Variants in DIAPH2 observed in about 807,000 individuals in gnomAD.
DIAPH2 encodes the protein protein diaphanous homolog 2.
A neutral mutation model predicts 92.7 loss-of-function variants in DIAPH2; 35 were observed. The observed-to-expected ratio is 0.38, with a 90% CI of 0.29 to 0.50. The LOEUF (loss-of-function observed/expected upper bound fraction) is 0.50. Ranked by LOEUF, DIAPH2 falls within the 20% of genes least tolerant of loss-of-function variation. The pLI, the probability that DIAPH2 is intolerant of heterozygous loss-of-function variation, is 0.94. For missense variants in DIAPH2, 701 were observed against 819.5 expected, an observed-to-expected ratio of 0.86 and a Z score of 1.77; for synonymous variants, 301 against 280.4, an observed-to-expected ratio of 1.07 and a Z score of -0.73.
chrX:97,257,073 G>A (rs770323770), intron 23 of DIAPH2, among the ~76,000 whole-genome samples: 1 of 110,830 alleles, frequency 9.0e-6, no homozygotes, highest in South Asian at 3.8e-4. Context: ...TGTCTTTTAT[G>A]TTGCAAATGT....
At chrX:96,932,620 C>A (rs994460544) in intron 10 of DIAPH2, among the ~76,000 whole-genome samples, 29 of 110,036 alleles carry the variant, frequency 2.6e-4, no homozygotes, top group African/African-American at 9.2e-4. Flanking sequence ...TTTATATATT[C>A]TTTTTTAAAA....
At chrX:97,412,670 GAAGAA>G (rs1481985841) in intron 25 of DIAPH2, among the ~76,000 whole-genome samples, 1 of 111,607 alleles carries the variant, frequency 9.0e-6, no homozygotes, top group Non-Finnish European at 1.9e-5. Context: ...GACTAATAAA[GAAGAA>G]AAGAGAGAAG....
chrX:96,884,082 G>A, intron 5 of DIAPH2: 1 of 388,400 alleles, frequency 2.6e-6, no homozygotes, highest in South Asian at 4.8e-5. Flanking sequence ...CAGGTGAGAA[G>A]GTGGCCGACC....
chrX:96,963,486 C>T (rs907029427), intron 16 of DIAPH2, among the ~76,000 whole-genome samples: 1 of 111,750 alleles, frequency 8.9e-6, no homozygotes, highest in Non-Finnish European at 1.9e-5. Flanking sequence ...TGCCATTGCA[C>T]ACACTGCAGC....
At chrX:97,264,086 C>T (rs1014201165) in intron 23 of DIAPH2, among the ~76,000 whole-genome samples, 6 of 108,727 alleles carry the variant, frequency 5.5e-5, no homozygotes, top group Non-Finnish European at 1.1e-4. Flanking sequence ...CCACGCCCAG[C>T]TAAATTTTGT....
intron 4 of DIAPH2, among the ~76,000 whole-genome samples, chrX:96,770,080 C>T (rs2064328518): frequency 9.1e-6 from 1 of 110,223 alleles, no homozygotes; most frequent in Non-Finnish European, 1.9e-5. Context: ...CCCCTGTAAT[C>T]CCAGCTACTA....
intron 22 of DIAPH2, among the ~76,000 whole-genome samples, chrX:97,220,872 A>C (rs933861493): frequency 2.7e-5 from 3 of 111,769 alleles, no homozygotes; most frequent in African/African-American, 9.8e-5. Flanking sequence ...AATCTATGGA[A>C]ATGTAAAAAT....
chrX:97,203,833 G>A (rs188029119), intron 22 of DIAPH2, among the ~76,000 whole-genome samples: 196 of 111,546 alleles, frequency 1.8e-3, no homozygotes, highest in African/African-American at 5.0e-3. Flanking sequence ...AGGCCAGCAC[G>A]ATCCTGATAC....
Position 97,600,167 on chromosome X carries a change from T to G in DIAPH2, c.*850T>G, listed in dbSNP as rs1398575206. 5 of 112,279 alleles carry G rather than the reference T, an allele frequency of 4.5e-5. No homozygotes were observed. The highest frequency in any genetic ancestry group is 1.6e-4 in the African/African-American group (5 of 31,020). The allele number at this position is 112,279 out of a possible 1,213,427, so 9.3% of individuals were successfully genotyped here. The stretch of plus-strand genomic sequence containing the variant: ...GGATGAACCTGAAAATTCTATTACG[T>G]TTATTTAGATTTCAAAGGCAAATAT... On this transcript the variant is annotated 3_prime_UTR_variant, in exon 27 of 27. Coordinates refer to ENST00000324765, the MANE Select transcript of DIAPH2 (RefSeq NM_006729.5).
chrX:96,911,057 T>C (rs920134355), intron 5 of DIAPH2, among the ~76,000 whole-genome samples: 10 of 111,636 alleles, frequency 9.0e-5, no homozygotes, highest in African/African-American at 3.3e-4. Context: ...CCAGCAATGA[T>C]AATTTGTCTG....
intron 26 of DIAPH2, among the ~76,000 whole-genome samples, chrX:97,573,349 T>TA (rs1334079657): frequency 8.4e-4 from 94 of 111,380 alleles, no homozygotes; most frequent in African/African-American, 2.9e-3. Flanking sequence ...ATATATATAT[T>TA]TTTTGTGATG....
chrX:97,526,853 T>C (rs1317021899), intron 26 of DIAPH2, among the ~76,000 whole-genome samples: 1 of 111,856 alleles, frequency 8.9e-6, no homozygotes, highest in East Asian at 2.8e-4. Flanking sequence ...CAAGCCTTTT[T>C]CCCATTCAAC....
intron 26 of DIAPH2, among the ~76,000 whole-genome samples, chrX:97,471,357 C>T (rs1039466020): frequency 9.0e-6 from 1 of 111,355 alleles, no homozygotes; most frequent in Admixed American, 9.6e-5. Context: ...GCCTGTTGTT[C>T]GGGGTCATTG....
intron 22 of DIAPH2, among the ~76,000 whole-genome samples, chrX:97,193,283 G>T: frequency 9.1e-6 from 1 of 110,389 alleles, no homozygotes. Context: ...CAGTATATTG[G>T]GATTACAGGC....
intron 7 of DIAPH2, among the ~76,000 whole-genome samples, chrX:96,914,833 G>A (rs1308442634): frequency 3.6e-5 from 4 of 111,538 alleles, no homozygotes; most frequent in South Asian, 7.3e-4. Context: ...TGGATTAATG[G>A]ATCTTTTGAA....
chrX:97,241,412 C>G (rs2068092415), intron 22 of DIAPH2, among the ~76,000 whole-genome samples: 1 of 110,871 alleles, frequency 9.0e-6, no homozygotes, highest in Non-Finnish European at 1.9e-5. Context: ...ATTCTCCTGC[C>G]TCAGCCTCCC....
chrX:96,752,011 T>C (rs1366399331), intron 3 of DIAPH2, among the ~76,000 whole-genome samples: 1 of 111,896 alleles, frequency 8.9e-6, no homozygotes, highest in African/African-American at 3.2e-5. Flanking sequence ...ATTATAGATA[T>C]ATCAAATGTT....
intron 26 of DIAPH2, among the ~76,000 whole-genome samples, chrX:97,478,313 TTC>T (rs1017325922): frequency 3.6e-5 from 4 of 112,033 alleles, no homozygotes; most frequent in Non-Finnish European, 5.6e-5. Context: ...TCAAATTTTA[TTC>T]TTTTTCAAAA....
intron 19 of DIAPH2, among the ~76,000 whole-genome samples, chrX:97,098,387 C>G (rs1280890189): frequency 8.9e-6 from 1 of 111,806 alleles, no homozygotes; most frequent in Non-Finnish European, 1.9e-5. Flanking sequence ...CCGGTAACCT[C>G]AATTCTACTT....
Sources: gnomAD v4.1 joint callset for allele counts (sites outside exome capture counted in the v4.1 genomes callset) on GRCh38, gnomAD v4.1.1 for gene constraint, MANE v1.5 for transcripts, NCBI Gene and HGNC (gene_info 2026-07-23, HGNC 2026-07-21) for gene names.